TMEM45A: variants seen among roughly 807,000 people sequenced by gnomAD.
TMEM45A encodes the protein DNA polymerase-transactivated protein 4.
In TMEM45A, 25 loss-of-function variants were observed where a neutral mutation model predicts 32.0. The observed-to-expected ratio is 0.78, with a 90% CI of 0.57 to 1.09. The LOEUF (loss-of-function observed/expected upper bound fraction) is 1.09, where lower values mean the gene tolerates loss of function less well. TMEM45A is among the 50% of genes least tolerant of loss of function. The pLI is 0.00. For missense variants in TMEM45A, 302 were observed against 325.0 expected (o/e 0.93, Z 0.54); for synonymous variants, 122 against 114.8 (o/e 1.06, Z -0.40).
At chr3:100,515,666 A>G (rs984978164) in intron 1 of TMEM45A, among the ~76,000 whole-genome samples, 23 of 152,118 alleles carry the variant, frequency 1.5e-4, no homozygotes, top group African/African-American at 5.5e-4. Flanking sequence ...TTGAGCCACA[A>G]AAAGAATGAA....
intron 1 of TMEM45A, among the ~76,000 whole-genome samples, chr3:100,550,449 A>G (rs962740130): frequency 9.9e-5 from 15 of 152,226 alleles, no homozygotes; most frequent in Admixed American, 6.5e-4. Flanking sequence ...TGTTTAGTGT[A>G]TTGGAATTTA....
At chr3:100,551,534 C>A (rs753269411) in intron 1 of TMEM45A, among the ~76,000 whole-genome samples, 8 of 152,082 alleles carry the variant, frequency 5.3e-5, no homozygotes, top group African/African-American at 1.9e-4. Flanking sequence ...TTGGCTTTTA[C>A]AAGGAGTAAG....
chr3:100,567,160 A>ATG (rs1706458384), intron 4 of TMEM45A, among the ~76,000 whole-genome samples: 1 of 151,842 alleles, frequency 6.6e-6, no homozygotes, highest in African/African-American at 2.4e-5. Flanking sequence ...TTTTATATAT[A>ATG]TATAATTTTA....
intron 1 of TMEM45A, among the ~76,000 whole-genome samples, chr3:100,510,488 C>A (rs1296877120): frequency 6.6e-6 from 1 of 152,142 alleles, no homozygotes; most frequent in Non-Finnish European, 1.5e-5. Context: ...TCATCAAAGA[C>A]CAAAAGTAGA....
At chr3:100,555,009 T>G (rs1706184646) in intron 1 of TMEM45A, among the ~76,000 whole-genome samples, 200 bp from the exon 2 acceptor site, 1 of 152,044 alleles carries the variant, frequency 6.6e-6, no homozygotes, top group South Asian at 2.1e-4. Context: ...CAAATGTGAG[T>G]TTTTATTTTG....
chr3:100,532,314 G>T (rs1705661380), intron 1 of TMEM45A, among the ~76,000 whole-genome samples: 1 of 152,176 alleles, frequency 6.6e-6, no homozygotes, highest in South Asian at 2.1e-4. Context: ...CTGGTTCCTT[G>T]TAAGGCCTGA....
intron 1 of TMEM45A, among the ~76,000 whole-genome samples, chr3:100,553,996 A>C (rs1416486550): frequency 2.6e-5 from 4 of 152,166 alleles, no homozygotes; most frequent in Admixed American, 2.0e-4. Context: ...TATCACCTAG[A>C]GATAAAATAA....
intron 1 of TMEM45A, among the ~76,000 whole-genome samples, chr3:100,539,619 AAGCCCTGAGGACCAGG>A (rs1334389241): frequency 6.6e-6 from 1 of 152,094 alleles, no homozygotes; most frequent in African/African-American, 2.4e-5. Flanking sequence ...TCAGTGTCCA[AAGCCCTGAGGACCAGG>A]AGCTCCTATG....
chr3:100,511,072 T>G (rs946014836), intron 1 of TMEM45A, among the ~76,000 whole-genome samples: 1 of 152,210 alleles, frequency 6.6e-6, no homozygotes, highest in East Asian at 1.9e-4. Context: ...CAGGAGAACT[T>G]CCCCAATCTA....
intron 1 of TMEM45A, among the ~76,000 whole-genome samples, chr3:100,541,988 T>C (rs1225500887): frequency 6.6e-6 from 1 of 152,164 alleles, no homozygotes; most frequent in Non-Finnish European, 1.5e-5. Flanking sequence ...CTGTGTTCTC[T>C]ATTTTGTTCC....
At chr3:100,502,882 A>G (rs1477507370) in intron 1 of TMEM45A, among the ~76,000 whole-genome samples, 1 of 152,234 alleles carries the variant, frequency 6.6e-6, no homozygotes, top group African/African-American at 2.4e-5. Context: ...CCTTGGGGAT[A>G]AAGACCAGAG....
At chr3:100,576,331 A>G (rs2149000507) in intron 5 of TMEM45A, among the ~76,000 whole-genome samples, 1 of 152,190 alleles carries the variant, frequency 6.6e-6, no homozygotes, top group East Asian at 1.9e-4. Flanking sequence ...GGCGTCTGTA[A>G]TTCCAGCTAC....
At chr3:100,562,230 T>A (rs1004242104) in intron 4 of TMEM45A, among the ~76,000 whole-genome samples, 4 of 152,202 alleles carry the variant, frequency 2.6e-5, no homozygotes, top group African/African-American at 9.6e-5. Flanking sequence ...AGGTTTTTTT[T>A]TGGAATTTTA....
chr3:100,500,499 C>T (rs551035292), intron 1 of TMEM45A, among the ~76,000 whole-genome samples: 2 of 152,276 alleles, frequency 1.3e-5, no homozygotes, highest in East Asian at 3.9e-4. Context: ...TGTTCCCTCT[C>T]TCTGGACTCT....
chr3:100,507,560 G>C lies in TMEM45A; in HGVS notation c.-4+14632G>C, dbSNP rs139927291. 3.2e-3 allele frequency among the ~76,000 whole-genome samples: 483 copies of C among 152,230 alleles called. 4 individuals carry two copies. Among genetic ancestry groups the C allele is most frequent in the Non-Finnish European group, 5.2e-3 (351 of 68,004 alleles). On this transcript the variant is annotated intron_variant, in intron 1 of 5. Coordinates refer to ENST00000323523, the MANE Select transcript of TMEM45A (RefSeq NM_018004.3). ...TAAAATCACTTTTTCACCTAGAAAGGTTTTCAATAAATGTTCTTGGAGCTC... is the reference window on the plus strand; with the variant it reads ...TAAAATCACTTTTTCACCTAGAAAGCTTTTCAATAAATGTTCTTGGAGCTC...
At chr3:100,550,196 A>T (rs1391215991) in intron 1 of TMEM45A, among the ~76,000 whole-genome samples, 2 of 89,170 alleles carry the variant, frequency 2.2e-5, no homozygotes, top group Non-Finnish European at 2.3e-5. Flanking sequence ...AAAGCATAAT[A>T]AAAAAAAAAA....
chr3:100,504,211 AC>A (rs1381452894), intron 1 of TMEM45A, among the ~76,000 whole-genome samples: 1 of 148,718 alleles, frequency 6.7e-6, no homozygotes, highest in Non-Finnish European at 1.5e-5. Context: ...ACCATTTCCC[AC>A]CCCACCCCCT....
At chr3:100,572,258 C>G (rs1277737352) in intron 5 of TMEM45A, 2 of 151,866 alleles carry the variant, frequency 1.3e-5, no homozygotes, top group African/African-American at 4.9e-5. Flanking sequence ...CTCTCCAGCA[C>G]CTGTTGTTTC....
intron 5 of TMEM45A, chr3:100,570,756 CT>C (rs1481199820): frequency 1.3e-5 from 2 of 152,258 alleles, no homozygotes; most frequent in East Asian, 3.9e-4. Context: ...CTTCATACCC[CT>C]AATGGGCCTC....
Sources: allele counts gnomAD v4.1 joint callset (sites outside exome capture counted in the v4.1 genomes callset), GRCh38; gene constraint gnomAD v4.1.1; transcripts MANE v1.5; gene names NCBI Gene and HGNC (gene_info 2026-07-23, HGNC 2026-07-21).